Variants in FTO observed in about 807,000 individuals in gnomAD.
FTO encodes the protein FTO alpha-ketoglutarate dependent dioxygenase.
A neutral mutation model predicts 63.9 loss-of-function variants in FTO; 47 were observed. The observed-to-expected ratio is 0.74, with a 90% CI of 0.58 to 0.94. FTO has a LOEUF of 0.94. Among genes scored for constraint, FTO ranks in the 40% least tolerant of loss-of-function variants. The pLI is 0.00. For missense variants in FTO, 562 were observed against 618.1 expected (o/e 0.91, Z 0.96); for synonymous variants, 207 against 224.4 (o/e 0.92, Z 0.69).
intron 2 of FTO, among the ~76,000 whole-genome samples, chr16:53,824,356 T>C: frequency 6.6e-6 from 1 of 152,202 alleles, no homozygotes; most frequent in East Asian, 1.9e-4. Flanking sequence ...CTGGTCTGTC[T>C]TTCTGGGAAG....
intron 2 of FTO, among the ~76,000 whole-genome samples, chr16:53,815,798 G>A (rs535121067): frequency 3.3e-5 from 5 of 151,676 alleles, no homozygotes; most frequent in East Asian, 1.9e-4. Flanking sequence ...ACAGGCGCGC[G>A]TCACCATGCC....
chr16:53,797,088 T>C (rs922125835), intron 1 of FTO, among the ~76,000 whole-genome samples: 2 of 152,188 alleles, frequency 1.3e-5, no homozygotes, highest in Non-Finnish European at 2.9e-5. Context: ...TTTTAAAAAA[T>C]AGATTCTGGT....
chr16:53,731,438 A>G (rs2076267298), intron 1 of FTO, among the ~76,000 whole-genome samples: 2 of 152,204 alleles, frequency 1.3e-5, no homozygotes, highest in Non-Finnish European at 1.5e-5. Context: ...GCCACTTGGT[A>G]GGTCTCTATG....
intron 7 of FTO, among the ~76,000 whole-genome samples, chr16:53,927,401 A>C (rs747556482): frequency 2.0e-5 from 3 of 152,142 alleles, no homozygotes; most frequent in African/African-American, 7.2e-5. Context: ...AAATAGTTCA[A>C]ATGTGGACAG....
intron 1 of FTO, among the ~76,000 whole-genome samples, chr16:53,776,965 A>G (rs934622486): frequency 6.6e-6 from 1 of 152,144 alleles, no homozygotes; most frequent in South Asian, 2.1e-4. Flanking sequence ...ATAATTATCT[A>G]TATTTATGGG....
chr16:53,923,999 G>GA (rs1293994257), intron 7 of FTO, among the ~76,000 whole-genome samples: 1 of 151,842 alleles, frequency 6.6e-6, no homozygotes, highest in Non-Finnish European at 1.5e-5. Context: ...GTGCTTTGGG[G>GA]AAAAAACAAA....
chr16:53,759,654 A>T (rs1450387752), intron 1 of FTO, among the ~76,000 whole-genome samples: 1 of 147,930 alleles, frequency 6.8e-6, no homozygotes, highest in Non-Finnish European at 1.5e-5. Flanking sequence ...AGATCGTGCC[A>T]CTGCACTCCA....
At chr16:53,864,485 G>T (rs180744452) in intron 4 of FTO, among the ~76,000 whole-genome samples, 1 of 152,142 alleles carries the variant, frequency 6.6e-6, no homozygotes, top group Non-Finnish European at 1.5e-5. Flanking sequence ...TTATAGCATT[G>T]CTTCTGTGGT....
intron 2 of FTO, among the ~76,000 whole-genome samples, chr16:53,825,471 C>T (rs1480729636): frequency 6.6e-6 from 1 of 152,104 alleles, no homozygotes; most frequent in Non-Finnish European, 1.5e-5. Flanking sequence ...AGCTAATGCA[C>T]ACAAGTAACT....
intron 1 of FTO, among the ~76,000 whole-genome samples, chr16:53,796,216 G>A (rs1403354605): frequency 6.6e-6 from 1 of 151,854 alleles, no homozygotes; most frequent in Non-Finnish European, 1.5e-5. Flanking sequence ...AGCTAATTTT[G>A]AATTTTTAGT....
chr16:53,904,124 A>G (rs1337314083), intron 7 of FTO, among the ~76,000 whole-genome samples: 3 of 151,996 alleles, frequency 2.0e-5, no homozygotes, highest in Admixed American at 2.0e-4. Context: ...ATGTGTACAT[A>G]TGTGTCCATA....
At chr16:53,818,810 GT>G (rs1256262240) in intron 2 of FTO, among the ~76,000 whole-genome samples, 1 of 151,950 alleles carries the variant, frequency 6.6e-6, no homozygotes, top group Non-Finnish European at 1.5e-5. Context: ...CCATCACGTG[GT>G]TGTACCATTT....
At chr16:53,759,715 A>G (rs1012572128) in intron 1 of FTO, among the ~76,000 whole-genome samples, 7 of 151,222 alleles carry the variant, frequency 4.6e-5, no homozygotes, top group Non-Finnish European at 8.9e-5. Context: ...AAAAAAAAAA[A>G]AGAAAAAAGA....
chr16:53,716,620 T>G (rs2075900341), intron 1 of FTO, among the ~76,000 whole-genome samples: 1 of 152,074 alleles, frequency 6.6e-6, no homozygotes, highest in Admixed American at 6.6e-5. Context: ...GTGTGACTAT[T>G]AATGAAATTA....
At chr16:54,048,148 TC>T (rs2144312718) in intron 8 of FTO, among the ~76,000 whole-genome samples, 1 of 119,800 alleles carries the variant, frequency 8.3e-6, no homozygotes, top group South Asian at 2.7e-4. Context: ...AAAAAGAATT[TC>T]CCTAAGTCAA....
At chr16:53,876,037 A>G (rs1489937531) in intron 5 of FTO, among the ~76,000 whole-genome samples, 2 of 152,200 alleles carry the variant, frequency 1.3e-5, no homozygotes, top group East Asian at 3.9e-4. Flanking sequence ...GGGATTCAAT[A>G]CAGAATGTCT....
chr16:54,002,615 C>T (rs1156335016), intron 8 of FTO, among the ~76,000 whole-genome samples: 1 of 152,146 alleles, frequency 6.6e-6, no homozygotes, highest in Non-Finnish European at 1.5e-5. Context: ...GTCACATTAC[C>T]CTTTAGAATT....
At chr16:53,739,262 A>G (rs924345706) in intron 1 of FTO, among the ~76,000 whole-genome samples, 1 of 151,832 alleles carries the variant, frequency 6.6e-6, no homozygotes, top group Non-Finnish European at 1.5e-5. Context: ...CTGGAGTGCA[A>G]TGGCACGATG....
At chr16:54,034,080 G>C (rs1291128925) in intron 8 of FTO, 3 of 152,190 alleles carry the variant, frequency 2.0e-5, no homozygotes, top group Non-Finnish European at 4.4e-5. Flanking sequence ...AAGTGTAGCA[G>C]TACTTGCCAA....
Sources: allele counts gnomAD v4.1 joint callset (sites outside exome capture counted in the v4.1 genomes callset), GRCh38; gene constraint gnomAD v4.1.1; transcripts MANE v1.5; gene names NCBI Gene and HGNC (gene_info 2026-07-23, HGNC 2026-07-21).